EYS: variants seen among roughly 807,000 people sequenced by gnomAD.
EYS encodes protein eyes shut homolog.
A neutral mutation model predicts 282.1 loss-of-function variants in EYS; 250 were observed. The ratio of observed to expected loss-of-function variants is 0.89; its 90% confidence interval spans 0.80 to 0.98. The LOEUF is 0.98. EYS is among the 50% of genes least tolerant of loss of function. EYS has a pLI of 0.00. For missense variants in EYS, 4,016 were observed against 3,709.0 expected (o/e 1.08, Z -2.15); for synonymous variants, 1,355 against 1,282.9 (o/e 1.06, Z -1.20).
chr6:65,613,725 T>C (rs1421109726), intron 2 of EYS, among the ~76,000 whole-genome samples: 1 of 151,890 alleles, frequency 6.6e-6, no homozygotes, highest in Non-Finnish European at 1.5e-5. Flanking sequence ...GGCAATTCGT[T>C]TAACTGAGTA....
At chr6:64,484,561 T>C (rs899285083) in intron 26 of EYS, among the ~76,000 whole-genome samples, 8 of 151,632 alleles carry the variant, frequency 5.3e-5, no homozygotes, top group African/African-American at 1.7e-4. Flanking sequence ...GAGGCTAACA[T>C]ATGATATAGG....
At chr6:64,868,561 T>C (rs529249608) in intron 19 of EYS, among the ~76,000 whole-genome samples, 2 of 151,642 alleles carry the variant, frequency 1.3e-5, no homozygotes, top group South Asian at 4.1e-4. Flanking sequence ...TAGGTATTAT[T>C]CTTAGAATTA....
chr6:65,106,067 G>A (rs1424057000), intron 12 of EYS, among the ~76,000 whole-genome samples: 1 of 151,918 alleles, frequency 6.6e-6, no homozygotes, highest in Non-Finnish European at 1.5e-5. Context: ...GAAAAATCAT[G>A]AAAATGGGGC....
chr6:64,384,358 G>A (rs977969365), intron 29 of EYS, among the ~76,000 whole-genome samples: 12 of 151,588 alleles, frequency 7.9e-5, no homozygotes, highest in Admixed American at 1.3e-4. Context: ...TTTTGGAGTC[G>A]GTCACTAATT....
intron 26 of EYS, among the ~76,000 whole-genome samples, chr6:64,527,464 C>G (rs554558436): frequency 6.6e-6 from 1 of 151,804 alleles, no homozygotes; most frequent in Admixed American, 6.6e-5. Flanking sequence ...ATTTCAGAGG[C>G]ATTCTTATTT....
At chr6:64,671,176 T>A (rs1562125091) in intron 22 of EYS, among the ~76,000 whole-genome samples, 1 of 152,178 alleles carries the variant, frequency 6.6e-6, no homozygotes, top group South Asian at 2.1e-4. Flanking sequence ...TCAGACCATC[T>A]GCCATGGTCT....
intron 37 of EYS, among the ~76,000 whole-genome samples, chr6:63,791,153 C>A (rs1460480569): frequency 6.6e-6 from 1 of 152,066 alleles, no homozygotes; most frequent in Non-Finnish European, 1.5e-5. Flanking sequence ...TCTGAGCTCA[C>A]CCAGAAAATG....
chr6:64,958,597 C>T (rs540405876), intron 14 of EYS, among the ~76,000 whole-genome samples: 336 of 150,822 alleles, frequency 2.2e-3, no homozygotes, highest in African/African-American at 7.9e-3. Flanking sequence ...TAGCCGGGCG[C>T]AGTGGCGGGC....
chr6:65,495,720 T>C (rs1766233062), intron 3 of EYS, 113 bp from the exon 4 acceptor site: 4 of 392,100 alleles, frequency 1.0e-5, no homozygotes, highest in Non-Finnish European at 1.8e-5. Flanking sequence ...AAAGATAGTG[T>C]CACCAGCAGC....
intron 22 of EYS, among the ~76,000 whole-genome samples, chr6:64,811,751 C>A (rs1424629862): frequency 2.6e-5 from 4 of 152,106 alleles, no homozygotes; most frequent in Non-Finnish European, 4.4e-5. Context: ...CAGCATGAAA[C>A]CCTCATCAGA....
chr6:64,175,877 C>G (rs189597115), intron 31 of EYS, among the ~76,000 whole-genome samples: 1 of 152,208 alleles, frequency 6.6e-6, no homozygotes, highest in East Asian at 1.9e-4. Context: ...GACAGATATT[C>G]TTGCTTTTTT....
rs200864159 is a variant in EYS, at chr6:65,179,239, C to CAA, written c.2023+116622_2023+116623dup. The stretch of plus-strand genomic sequence containing the variant: ...AGCAGAACTGAAGGAAATAGAGACA[C>CAA]AAAAAAAAACCCTTAAAAAAATCAA... On this transcript the variant is annotated intron_variant, in intron 12 of 42. Coordinates refer to ENST00000503581, the MANE Select transcript of EYS (RefSeq NM_001142800.2). Among the ~76,000 whole-genome samples the CAA allele has an allele frequency of 2.4e-3, 358 of 149,662 alleles. 3 individuals carry two copies. Among genetic ancestry groups the CAA allele is most frequent in the Admixed American group, 8.8e-3 (132 of 15,046 alleles).
At chr6:63,760,674 ATCTAT>A (rs1769613540) in intron 41 of EYS, among the ~76,000 whole-genome samples, 2 of 149,692 alleles carry the variant, frequency 1.3e-5, no homozygotes, top group South Asian at 4.2e-4. Context: ...CTATCTATCT[ATCTAT>A]CTATCTATCT....
intron 22 of EYS, among the ~76,000 whole-genome samples, chr6:64,650,050 A>T (rs934241558): frequency 2.0e-5 from 3 of 152,130 alleles, no homozygotes; most frequent in Non-Finnish European, 2.9e-5. Flanking sequence ...AAAATTTCAC[A>T]GCTAACAGAA....
intron 26 of EYS, among the ~76,000 whole-genome samples, chr6:64,500,510 T>C (rs772420216): frequency 6.6e-6 from 1 of 152,072 alleles, no homozygotes; most frequent in Non-Finnish European, 1.5e-5. Flanking sequence ...ATTCAAACAA[T>C]GTGCATTTCT....
At chr6:64,253,719 AACTGG>A (rs954748866) in intron 30 of EYS, among the ~76,000 whole-genome samples, 10 of 151,764 alleles carry the variant, frequency 6.6e-5, no homozygotes, top group Admixed American at 4.6e-4. Flanking sequence ...CCTCTAAGTT[AACTGG>A]ACTGATCACT....
intron 30 of EYS, among the ~76,000 whole-genome samples, chr6:64,303,426 CT>C (rs1431655351): frequency 6.6e-6 from 1 of 152,166 alleles, no homozygotes; most frequent in Admixed American, 6.5e-5. Flanking sequence ...CATCTGTACT[CT>C]TCAATCAACA....
intron 31 of EYS, among the ~76,000 whole-genome samples, chr6:64,125,719 G>A (rs1208794699): frequency 6.7e-6 from 1 of 149,198 alleles, no homozygotes; most frequent in Admixed American, 6.7e-5. Flanking sequence ...CCGGGAGGCG[G>A]AGCTTGCAGT....
chr6:64,249,570 A>G (rs1767138129), intron 30 of EYS, among the ~76,000 whole-genome samples: 1 of 152,226 alleles, frequency 6.6e-6, no homozygotes, highest in Non-Finnish European at 1.5e-5. Context: ...AGTTTAAGGA[A>G]CAGACTACTT....
Sources: allele counts gnomAD v4.1 joint callset (sites outside exome capture counted in the v4.1 genomes callset), GRCh38; gene constraint gnomAD v4.1.1; transcripts MANE v1.5; gene names NCBI Gene and HGNC (gene_info 2026-07-23, HGNC 2026-07-21).